Variants in ARIH1 observed in about 807,000 individuals in gnomAD.
ARIH1 encodes the protein E3 ubiquitin-protein ligase ARIH1.
In ARIH1, 8 loss-of-function variants were observed where a neutral mutation model predicts 85.0. The observed-to-expected ratio is 0.09, with a 90% confidence interval of 0.06 to 0.17. The LOEUF (loss-of-function observed/expected upper bound fraction) is 0.17. Ranked by LOEUF, ARIH1 falls within the 10% of genes least tolerant of loss-of-function variation. The pLI, the probability that ARIH1 is intolerant of heterozygous loss-of-function variation, is 1.00. For synonymous variants in ARIH1, 238 were observed against 253.6 expected (o/e 0.94, Z 0.59); for missense variants, 311 against 718.1 (o/e 0.43, Z 6.48).
At position 72,583,347 on chromosome 15, in the gene ARIH1, C is replaced by A; in HGVS notation, c.*55C>A. 1 of 1,411,632 alleles carries A rather than the reference C, an allele frequency of 7.1e-7. No individual in the cohort carries two copies. Among genetic ancestry groups the A allele is most frequent in the Non-Finnish European group, 9.9e-7 (1 of 1,006,894 alleles). The allele number at this position is 1,411,632 out of a possible 1,614,324, so 87.4% of individuals were successfully genotyped here. A position where few individuals can be genotyped will look rare whatever the true frequency, so the allele number is the denominator to read the frequency against. On this transcript the variant is annotated 3_prime_UTR_variant, in exon 14 of 14. Coordinates refer to ENST00000379887, the MANE Select transcript of ARIH1 (RefSeq NM_005744.5). ...AACTTTACCATCTAGAGTGCTCATG[C>A]AATTAAAACAAAACAAACACAAACA...
chr15:72,554,253 C>G (rs1334164641), intron 3 of ARIH1, among the ~76,000 whole-genome samples: 1 of 152,044 alleles, frequency 6.6e-6, no homozygotes, highest in African/African-American at 2.4e-5. Context: ...ATTGCTGGGT[C>G]CTATGGTAAC....
Position 72,563,459 on chromosome 15 carries a change from T to C in ARIH1, c.870T>C (p.Pro290=), listed in dbSNP as rs746920356. The C allele has an allele frequency of 2.5e-6, 4 of 1,614,140 alleles. No homozygotes were observed. Among genetic ancestry groups the C allele is most frequent in the Admixed American group, 3.3e-5 (2 of 60,022 alleles). ...ACCATGTTGTTAAAGTCCAATATCC[T>C]GATGCTAAACCTGTTCGCTGCAAAT... ...DCHHVVKVQY[P]DAKPVRCKCG... Residue 290 remains proline (P), a synonymous_variant, in exon 7 of 14, where the codon CCT becomes CCC. Transcript: ENST00000379887.
intron 2 of ARIH1, among the ~76,000 whole-genome samples, chr15:72,532,370 A>C (rs1437992061): frequency 2.6e-5 from 4 of 152,170 alleles, no homozygotes; most frequent in Non-Finnish European, 5.9e-5. Flanking sequence ...CAATTTCCCA[A>C]AACTGACATA....
intron 1 of ARIH1, among the ~76,000 whole-genome samples, chr15:72,515,741 A>T (rs909191752): frequency 5.3e-5 from 8 of 152,050 alleles, no homozygotes; most frequent in Non-Finnish European, 1.2e-4. Flanking sequence ...TTGAGCAGTG[A>T]TTTATATCCT....
intron 9 of ARIH1, among the ~76,000 whole-genome samples, chr15:72,569,851 C>T (rs1459898725): frequency 6.6e-6 from 1 of 152,114 alleles, no homozygotes; most frequent in African/African-American, 2.4e-5. Context: ...TCACTTGACT[C>T]CAGAAGTTTA....
chr15:72,530,057 C>T (rs1049809261), intron 2 of ARIH1, among the ~76,000 whole-genome samples: 22 of 152,068 alleles, frequency 1.4e-4, no homozygotes, highest in Non-Finnish European at 2.1e-4. Flanking sequence ...ACAATAGTGA[C>T]AGCTAAATTG....
chr15:72,492,007 T>G (rs1340065797), intron 1 of ARIH1, among the ~76,000 whole-genome samples: 2 of 152,188 alleles, frequency 1.3e-5, no homozygotes, highest in African/African-American at 2.4e-5. Flanking sequence ...TGTGACTTCA[T>G]TGCTGTGGCC....
chr15:72,540,366 ATTAT>A (rs2064101764), intron 2 of ARIH1, among the ~76,000 whole-genome samples: 2 of 152,034 alleles, frequency 1.3e-5, no homozygotes, highest in South Asian at 2.1e-4. Context: ...TGATCAATGT[ATTAT>A]TTAAGTTTTA....
At chr15:72,546,856 C>G (rs578077042) in intron 3 of ARIH1, among the ~76,000 whole-genome samples, 1 of 148,238 alleles carries the variant, frequency 6.7e-6, no homozygotes, top group Admixed American at 6.7e-5. Flanking sequence ...TCTGAAAGTG[C>G]TGGCATTATA....
intron 1 of ARIH1, among the ~76,000 whole-genome samples, chr15:72,503,904 C>A (rs970860308): frequency 2.0e-5 from 3 of 152,144 alleles, no homozygotes; most frequent in African/African-American, 7.2e-5. Flanking sequence ...TGCCTGCAAC[C>A]CCTGAAGCCC....
chr15:72,561,102 T>C (rs953970167), intron 5 of ARIH1, among the ~76,000 whole-genome samples: 2 of 152,086 alleles, frequency 1.3e-5, no homozygotes, highest in Non-Finnish European at 2.9e-5. Flanking sequence ...CTGATTTGGG[T>C]GGGGTGTCTG....
Position 72,582,599 on chromosome 15 carries a change from A to T in ARIH1, c.1589+412A>T, listed in dbSNP as rs12440065. 0.25 allele frequency among the ~76,000 whole-genome samples: 37,901 copies of T among 150,946 alleles called. 4,895 individuals are homozygous for T. Among genetic ancestry groups the T allele is most frequent in the East Asian group, 0.45 (2,306 of 5,152 alleles). ...GTTTTTATTACATATATATATATAT[A>T]TTTTTTTAATCTAAGGAGATACTTG... On this transcript the variant is annotated intron_variant, in intron 13 of 13. Coordinates refer to ENST00000379887, the MANE Select transcript of ARIH1 (RefSeq NM_005744.5). The surrounding 1 kb of genome is among the most constrained non-coding windows in gnomAD (Gnocchi z 4.6).
At chr15:72,511,471 T>A (rs1050860595) in intron 1 of ARIH1, among the ~76,000 whole-genome samples, 2 of 151,996 alleles carry the variant, frequency 1.3e-5, no homozygotes, top group African/African-American at 4.8e-5. Flanking sequence ...GCCCTGCTAA[T>A]TTTTTGTATT....
At chr15:72,486,728 C>T in intron 1 of ARIH1, among the ~76,000 whole-genome samples, 1 of 109,056 alleles carries the variant, frequency 9.2e-6, no homozygotes, top group Non-Finnish European at 1.7e-5. Context: ...GACAGAGTCT[C>T]TGTGGCCCAG....
At chr15:72,548,286 A>C (rs958075580) in intron 3 of ARIH1, among the ~76,000 whole-genome samples, 4 of 152,194 alleles carry the variant, frequency 2.6e-5, no homozygotes, top group Admixed American at 2.6e-4. Flanking sequence ...CTAAGGAGGA[A>C]AATGTAGCAA....
At chr15:72,536,409 T>C (rs1050786745) in intron 2 of ARIH1, among the ~76,000 whole-genome samples, 3 of 152,194 alleles carry the variant, frequency 2.0e-5, no homozygotes, top group Non-Finnish European at 4.4e-5. Flanking sequence ...TTTTTTCTTT[T>C]GAAATTTTAT....
chr15:72,498,213 T>TGATGCATTAAA (rs1567339903), intron 1 of ARIH1, among the ~76,000 whole-genome samples: 2 of 150,622 alleles, frequency 1.3e-5, no homozygotes, highest in African/African-American at 4.8e-5. Flanking sequence ...TGCATTCTTA[T>TGATGCATTAAA]GTCAATAGAC....
At chr15:72,529,937 A>G (rs1484841109) in intron 2 of ARIH1, among the ~76,000 whole-genome samples, 3 of 152,220 alleles carry the variant, frequency 2.0e-5, no homozygotes, top group Non-Finnish European at 4.4e-5. Flanking sequence ...AAGCCCTTGA[A>G]CGTTGTTTTA....
At position 72,474,383 on chromosome 15, in the gene ARIH1, G is replaced by A; in HGVS notation, c.-257G>A. On this transcript the variant is annotated 5_prime_UTR_variant, in exon 1 of 14. Transcript: ENST00000379887. Reference sequence around the variant, plus strand: ...GCGTTGGGGACTGTTTTCTCTCGGAGGCCGGAGCGGAGCCGCGTCTGACTG... The same window carrying A: ...GCGTTGGGGACTGTTTTCTCTCGGAAGCCGGAGCGGAGCCGCGTCTGACTG... 1 of 500,730 alleles carries A rather than the reference G, an allele frequency of 2.0e-6. No individual in the cohort carries two copies. The highest frequency in any genetic ancestry group is 3.5e-6 in the Non-Finnish European group (1 of 284,458). The allele number at this position is 500,730 out of a possible 1,614,324, so 31.0% of individuals were successfully genotyped here.
Sources: gnomAD v4.1 joint callset for allele counts (sites outside exome capture counted in the v4.1 genomes callset) on GRCh38, gnomAD v4.1.1 for gene constraint, Gnocchi (gnomAD v3.1) non-coding constraint, MANE v1.5 for transcripts, NCBI Gene and HGNC (gene_info 2026-07-23, HGNC 2026-07-21) for gene names.